MCCC1: variants seen among roughly 807,000 people sequenced by gnomAD.
MCCC1 encodes the protein methylcrotonyl-CoA carboxylase subunit 1.
MCCC1 carries 64 observed loss-of-function variants against 83.8 expected under a neutral mutation model. That is an observed-to-expected ratio of 0.76 (90% CI 0.62 to 0.94). MCCC1 has a LOEUF of 0.94. MCCC1 is among the 40% of genes least tolerant of loss of function. The pLI is 0.00. For synonymous variants in MCCC1, 322 were observed against 315.4 expected (o/e 1.02, Z -0.22); for missense variants, 807 against 904.7 (o/e 0.89, Z 1.39).
At chr3:183,071,469 C>T in intron 5 of MCCC1, 112 bp from the exon 6 acceptor site, 1 of 1,492,604 alleles carries the variant, frequency 6.7e-7, no homozygotes, top group South Asian at 1.1e-5. Flanking sequence ...TTAAAGAAAA[C>T]ATCGAGTCTG....
At chr3:183,089,481 G>A (rs577660534) in intron 3 of MCCC1, among the ~76,000 whole-genome samples, 1 of 152,146 alleles carries the variant, frequency 6.6e-6, no homozygotes, top group Non-Finnish European at 1.5e-5. Flanking sequence ...GGCTATGGTA[G>A]CAAGTGCCTG....
At chr3:183,016,068 A>G (rs1054027428) in intron 18 of MCCC1, among the ~76,000 whole-genome samples, 6 of 151,016 alleles carry the variant, frequency 4.0e-5, no homozygotes, top group African/African-American at 1.5e-4. Flanking sequence ...AACTGGGACT[A>G]CAGGTGTGTG....
rs567684156 is a variant in MCCC1, at chr3:183,034,324, G to A, written c.1595-247C>T. Among the ~76,000 whole-genome samples, 12 of 151,938 alleles carry A rather than the reference G, an allele frequency of 7.9e-5. 1 individual carries two copies. The East Asian group carries it at 1.9e-3, about 25-fold the overall frequency. The stretch of plus-strand genomic sequence containing the variant: ...AAATTAGCTGGGCATGGTGACGGGC[G>A]CCTCTAGTCCCAGCTACTCTGGAGG... On this transcript the variant is annotated intron_variant, in intron 13 of 18. Transcript: ENST00000265594.
At chr3:183,095,862 T>TA (rs1406380658) in intron 1 of MCCC1, among the ~76,000 whole-genome samples, 3 of 152,114 alleles carry the variant, frequency 2.0e-5, no homozygotes, top group Non-Finnish European at 4.4e-5. Flanking sequence ...TCCTTGTATT[T>TA]AAAAAAATGG....
intron 14 of MCCC1, among the ~76,000 whole-genome samples, chr3:183,032,735 G>A (rs557534276): frequency 2.4e-4 from 37 of 152,166 alleles, no homozygotes; most frequent in African/African-American, 7.0e-4. Context: ...TTAGCCGGGC[G>A]TGGTGGTGGG....
At chr3:183,040,098 GAAAAAAAAAAAAA>G (rs57389038) in intron 11 of MCCC1, among the ~76,000 whole-genome samples, 469 of 34,684 alleles carry the variant, frequency 0.014, 4 homozygotes, top group Middle Eastern at 0.1. Flanking sequence ...CTCCATCTCA[GAAAAAAAAAAAAA>G]AAAAAAAAAA....
At chr3:183,081,323 G>A (rs1390098754) in intron 4 of MCCC1, among the ~76,000 whole-genome samples, 3 of 152,140 alleles carry the variant, frequency 2.0e-5, no homozygotes, top group Non-Finnish European at 4.4e-5. Context: ...TTCATTGCAC[G>A]GTACTAACAT....
At chr3:183,027,127 C>G (rs1712674548) in intron 14 of MCCC1, among the ~76,000 whole-genome samples, 1 of 152,158 alleles carries the variant, frequency 6.6e-6, no homozygotes, top group Admixed American at 6.5e-5. Context: ...GATATTACTA[C>G]TATAATTGTT....
At chr3:183,102,816 T>C, upstream of MCCC1, among the ~76,000 whole-genome samples, 1 of 132,922 alleles carries the variant, frequency 7.5e-6, no homozygotes. Flanking sequence ...AGACGAAGTC[T>C]CTCTCTGTTG....
At chr3:183,056,059 T>C (rs1039582669) in intron 8 of MCCC1, among the ~76,000 whole-genome samples, 14 of 152,146 alleles carry the variant, frequency 9.2e-5, no homozygotes, top group Non-Finnish European at 1.2e-4. Context: ...TTAAAATAAA[T>C]GTATGTCTAG....
intron 10 of MCCC1, among the ~76,000 whole-genome samples, chr3:183,042,247 G>A (rs1714151487): frequency 1.3e-5 from 2 of 152,178 alleles, no homozygotes; most frequent in Non-Finnish European, 2.9e-5. Context: ...AAAACAGAAA[G>A]GGGAAAATGA....
At chr3:183,024,213 G>A (rs1311345479) in intron 15 of MCCC1, among the ~76,000 whole-genome samples, 1 of 152,020 alleles carries the variant, frequency 6.6e-6, no homozygotes, top group Non-Finnish European at 1.5e-5. Context: ...TCATGCCATT[G>A]CACTCCAGCC....
Position 183,015,924 on chromosome 3 carries a change from TG to T in MCCC1, c.2050-359del, listed in dbSNP as rs200016794. ...TTGCTTGCTTTTGTTTTTTTTTTTT[TG>T]TTTTTTGTTGTTGTTGCTGTTGAGA... is the stretch of plus-strand genomic sequence containing the variant. On this transcript the variant is annotated intron_variant, in intron 18 of 18. Coordinates refer to ENST00000265594, the MANE Select transcript of MCCC1 (RefSeq NM_020166.5). Among the ~76,000 whole-genome samples, 598 of 149,094 alleles carry T rather than the reference TG, an allele frequency of 4.0e-3. 10 individuals are homozygous for T. The East Asian group carries it at 0.064, about 16-fold the overall frequency.
intron 8 of MCCC1, among the ~76,000 whole-genome samples, chr3:183,052,783 C>T (rs1715085425): frequency 7.6e-6 from 1 of 130,972 alleles, no homozygotes; most frequent in African/African-American, 2.9e-5. Context: ...GTACTCCAGC[C>T]TGGGTGACAG....
chr3:183,107,976 C>T (rs112871585), intron 1 of MCCC1, among the ~76,000 whole-genome samples: 16 of 152,274 alleles, frequency 1.1e-4, no homozygotes, highest in Admixed American at 2.6e-4. Flanking sequence ...TTTAAATTCT[C>T]AAAAAGATTA....
chr3:183,099,603 A>C (rs551408713), upstream of MCCC1: 1 of 786,272 alleles, frequency 1.3e-6, no homozygotes, highest in East Asian at 2.7e-5. Context: ...CGTCTCCACG[A>C]ACACCAATCA....
At chr3:183,042,834 T>A (rs1714202779) in intron 10 of MCCC1, among the ~76,000 whole-genome samples, 1 of 152,192 alleles carries the variant, frequency 6.6e-6, no homozygotes, top group South Asian at 2.1e-4. Context: ...TATCATTCCA[T>A]CCTTAGGATC....
upstream of MCCC1, among the ~76,000 whole-genome samples, chr3:183,103,128 T>G (rs550650878): frequency 4.6e-5 from 7 of 152,150 alleles, no homozygotes; most frequent in African/African-American, 1.7e-4. Flanking sequence ...TTTTTCCTTC[T>G]GGTGGGTTCC....
At chr3:183,070,861 T>G (rs1230971882) in intron 7 of MCCC1, 138 bp downstream of exon 7, 1 of 1,016,782 alleles carries the variant, frequency 9.8e-7, no homozygotes, top group African/African-American at 1.6e-5. Context: ...AATCAGTGGT[T>G]ACATCACAGG....
Sources: allele counts gnomAD v4.1 joint callset (sites outside exome capture counted in the v4.1 genomes callset), GRCh38; gene constraint gnomAD v4.1.1; transcripts MANE v1.5; gene names NCBI Gene and HGNC (gene_info 2026-07-23, HGNC 2026-07-21).